The following TXNRD2 variants were observed in gnomAD, a reference collection of about 807,000 sequenced individuals.
TXNRD2 encodes the protein thioredoxin reductase 2, mitochondrial.
In TXNRD2, 67 loss-of-function variants were observed where a neutral mutation model predicts 70.8. That is an observed-to-expected ratio of 0.95 (90% CI 0.78 to 1.16). The LOEUF is 1.16. TXNRD2 is among the 50% of genes most tolerant of loss of function. The probability of loss-of-function intolerance (pLI) is 0.00; values close to 1 mark genes in which losing one functional copy is unlikely to be tolerated. For missense variants in TXNRD2, 644 were observed against 719.9 expected, an observed-to-expected ratio of 0.89 and a Z score of 1.21; for synonymous variants, 301 against 295.8, an observed-to-expected ratio of 1.02 and a Z score of -0.18.
intron 1 of TXNRD2, 178 bp downstream of exon 1, chr22:19,941,523 A>C (rs1411268459): frequency 6.4e-6 from 7 of 1,095,752 alleles, no homozygotes; most frequent in Non-Finnish European, 8.3e-6. Context: ...GAAGGGGGCT[A>C]CTTGTGGCTA....
intron 10 of TXNRD2, 79 bp downstream of exon 10, chr22:19,897,960 C>A: frequency 8.3e-7 from 1 of 1,199,328 alleles, no homozygotes; most frequent in South Asian, 1.3e-5. Flanking sequence ...CCCATGACTG[C>A]ACTGCACCTG....
chr22:19,879,676 A>G (rs906954832), intron 14 of TXNRD2, among the ~76,000 whole-genome samples: 1 of 151,960 alleles, frequency 6.6e-6, no homozygotes, highest in Non-Finnish European at 1.5e-5. Flanking sequence ...TTTTCTGGGT[A>G]GAGTGAGATT....
chr22:19,904,055 A>T (rs894834329), intron 8 of TXNRD2, among the ~76,000 whole-genome samples: 2 of 152,224 alleles, frequency 1.3e-5, no homozygotes, highest in African/African-American at 4.8e-5. Flanking sequence ...TGCATGGCAG[A>T]GGCGGAGCAG....
intron 15 of TXNRD2, 60 bp downstream of exon 15, chr22:19,878,306 G>A (rs1020726699): frequency 1.2e-6 from 2 of 1,602,254 alleles, no homozygotes; most frequent in African/African-American, 2.7e-5. Flanking sequence ...TGTTCACCCT[G>A]CCAGGCTCTT....
chr22:19,902,985 C>T (rs759058087), intron 8 of TXNRD2: 61 of 518,710 alleles, frequency 1.2e-4, no homozygotes, highest in South Asian at 8.2e-4. Context: ...TTCCATGACA[C>T]ACTGACAGGC....
At chr22:19,907,284 AGG>A (rs1382388725) in intron 8 of TXNRD2, among the ~76,000 whole-genome samples, 4 of 45,746 alleles carry the variant, frequency 8.7e-5, no homozygotes, top group African/African-American at 1.9e-4. Flanking sequence ...CGCTCTCAGG[AGG>A]GTGTGGGCGC....
At chr22:19,941,366 G>A (rs193013612) in intron 1 of TXNRD2, among the ~76,000 whole-genome samples, 22 of 152,270 alleles carry the variant, frequency 1.4e-4, no homozygotes, top group East Asian at 3.9e-4. Context: ...CTGGCCAGTG[G>A]GGCCGGTGCC....
chr22:19,892,117 C>T (rs888826244), intron 11 of TXNRD2, among the ~76,000 whole-genome samples: 2 of 152,256 alleles, frequency 1.3e-5, no homozygotes, highest in Admixed American at 1.3e-4. Context: ...AGTGCACACC[C>T]GGTACAGGAA....
chr22:19,935,195 T>C (rs1941498057), intron 1 of TXNRD2, among the ~76,000 whole-genome samples: 1 of 152,146 alleles, frequency 6.6e-6, no homozygotes, highest in Admixed American at 6.5e-5. Flanking sequence ...CAAGGAATAT[T>C]ACTATTAAGA....
intron 11 of TXNRD2, chr22:19,883,802 A>C: frequency 2.9e-6 from 1 of 340,498 alleles, no homozygotes; most frequent in Non-Finnish European, 5.7e-6. Context: ...AAAAATACAA[A>C]ATTACCTAGG....
At chr22:19,925,084 A>C (rs1025596574) in intron 2 of TXNRD2, among the ~76,000 whole-genome samples, 1 of 151,814 alleles carries the variant, frequency 6.6e-6, no homozygotes, top group Non-Finnish European at 1.5e-5. Context: ...GGAGATCGAG[A>C]CCATCCTGGC....
At chr22:19,878,282 G>C in intron 15 of TXNRD2, 84 bp downstream of exon 15, 1 of 1,591,676 alleles carries the variant, frequency 6.3e-7, no homozygotes, top group South Asian at 1.1e-5. Flanking sequence ...GCATGGGTGG[G>C]GCCAGTCCTC....
At chr22:19,925,371 T>C (rs1941100173) in intron 2 of TXNRD2, among the ~76,000 whole-genome samples, 1 of 151,786 alleles carries the variant, frequency 6.6e-6, no homozygotes, top group Admixed American at 6.6e-5. Flanking sequence ...GAGAATTCAT[T>C]ACCCCCAGAG....
At chr22:19,927,103 G>A (rs1941175497) in intron 2 of TXNRD2, among the ~76,000 whole-genome samples, 2 of 151,992 alleles carry the variant, frequency 1.3e-5, no homozygotes, top group African/African-American at 2.4e-5. Context: ...AGACCAGCCT[G>A]GCCAACATGG....
intron 2 of TXNRD2, among the ~76,000 whole-genome samples, chr22:19,925,283 C>CA (rs1270198656): frequency 2.0e-5 from 3 of 151,552 alleles, no homozygotes; most frequent in Admixed American, 6.6e-5. Context: ...GACTCCATCT[C>CA]AAAAAACAAA....
At chr22:19,886,197 G>A (rs368891943) in intron 11 of TXNRD2, among the ~76,000 whole-genome samples, 6 of 152,372 alleles carry the variant, frequency 3.9e-5, no homozygotes, top group Admixed American at 6.5e-5. Flanking sequence ...GGGCACAGTG[G>A]GGTTAGAAGC....
At chr22:19,918,027 T>G in intron 5 of TXNRD2, 116 bp downstream of exon 5, 2 of 892,512 alleles carry the variant, frequency 2.2e-6, no homozygotes, top group East Asian at 4.9e-5. Flanking sequence ...GAGCAGGACA[T>G]GAACCCCCAG....
chr22:19,909,002 T>G (rs946115037), intron 8 of TXNRD2, among the ~76,000 whole-genome samples: 1 of 152,034 alleles, frequency 6.6e-6, no homozygotes. Flanking sequence ...GTCAGGAGTT[T>G]GAGACCAGCC....
Position 19,940,480 on chromosome 22 carries a change from G to A in TXNRD2, c.103+1221C>T, listed in dbSNP as rs558606072. On this transcript the variant is annotated intron_variant, in intron 1 of 17. Coordinates refer to ENST00000400521, the MANE Select transcript of TXNRD2 (RefSeq NM_006440.5). Reference sequence around the variant, plus strand: ...TAAGGGCATTATCCCCCTAAGTCTCGTATGATATTCCCCATTCTGAGTCCA... The same window carrying A: ...TAAGGGCATTATCCCCCTAAGTCTCATATGATATTCCCCATTCTGAGTCCA... 1.7e-3 allele frequency among the ~76,000 whole-genome samples: 261 copies of A among 152,122 alleles called. 2 individuals carry two copies. Among genetic ancestry groups the A allele is most frequent in the South Asian group, 4.2e-3 (20 of 4,816 alleles).
Sources: allele counts gnomAD v4.1 joint callset (sites outside exome capture counted in the v4.1 genomes callset), GRCh38; gene constraint gnomAD v4.1.1; transcripts MANE v1.5; gene names NCBI Gene and HGNC (gene_info 2026-07-23, HGNC 2026-07-21).